Variants in TMEM132D observed in about 807,000 individuals in gnomAD.
TMEM132D encodes the protein mature OL transmembrane protein.
A neutral mutation model predicts 62.3 loss-of-function variants in TMEM132D; 21 were observed. The observed-to-expected ratio is 0.34, with a 90% CI of 0.24 to 0.49. The LOEUF (loss-of-function observed/expected upper bound fraction) is 0.49. Among genes scored for constraint, TMEM132D ranks in the 20% least tolerant of loss-of-function variants. The pLI is 0.99. For synonymous variants in TMEM132D, 621 were observed against 575.6 expected, an observed-to-expected ratio of 1.08 and a Z score of -1.13; for missense variants, 1,346 against 1,402.8, an observed-to-expected ratio of 0.96 and a Z score of 0.65.
intron 1 of TMEM132D, among the ~76,000 whole-genome samples, chr12:129,835,091 AC>A (rs1332655617): frequency 6.6e-6 from 1 of 152,192 alleles, no homozygotes; most frequent in Admixed American, 6.5e-5. Flanking sequence ...TTACAAAGAC[AC>A]GGGATATTTG....
chr12:129,734,002 A>C (rs975882150), intron 1 of TMEM132D, among the ~76,000 whole-genome samples: 1 of 152,312 alleles, frequency 6.6e-6, no homozygotes, highest in Non-Finnish European at 1.5e-5. Context: ...GAAATGGAGC[A>C]CTGACTCCTT....
intron 3 of TMEM132D, among the ~76,000 whole-genome samples, chr12:129,480,220 TGGAGCTGCAG>T (rs1489692471): frequency 6.6e-6 from 1 of 152,106 alleles, no homozygotes; most frequent in African/African-American, 2.4e-5. Context: ...AGAAGGTGCA[TGGAGCTGCAG>T]AGGGGTGCAG....
chr12:129,405,402 G>T (rs191675511), intron 3 of TMEM132D, among the ~76,000 whole-genome samples: 153 of 152,198 alleles, frequency 1.0e-3, no homozygotes, highest in African/African-American at 3.5e-3. Context: ...CTGGAGTTAG[G>T]GCATCAACAT....
intron 2 of TMEM132D, among the ~76,000 whole-genome samples, chr12:129,557,251 CAGT>C (rs1665061103): frequency 6.6e-6 from 1 of 152,072 alleles, no homozygotes; most frequent in Non-Finnish European, 1.5e-5. Flanking sequence ...TACTTCTCAG[CAGT>C]AAAAATATGC....
chr12:129,137,790 C>T (rs80110539), intron 5 of TMEM132D, among the ~76,000 whole-genome samples: 1,532 of 152,240 alleles, frequency 0.01, 29 homozygotes, highest in African/African-American at 0.035. Flanking sequence ...AACCAACCTG[C>T]TAAAGATGGT....
chr12:129,424,217 AT>A (rs1872412596), intron 3 of TMEM132D, among the ~76,000 whole-genome samples: 2 of 148,586 alleles, frequency 1.3e-5, no homozygotes, highest in Non-Finnish European at 1.5e-5. Context: ...AAAAAAAAAA[AT>A]CTATGACAAA....
Position 129,634,453 on chromosome 12 carries a change from GA to G in TMEM132D, c.968+65356del, listed in dbSNP as rs1238280105. Among the ~76,000 whole-genome samples the G allele has an allele frequency of 3.0e-5, 4 of 134,752 alleles. No homozygotes were observed. In the Admixed American group the frequency reaches 3.2e-4, roughly 11 times the overall value. The allele number at this position is 134,752 out of a possible 152,430, so 88.4% of individuals were successfully genotyped here. The stretch of plus-strand genomic sequence containing the variant: ...TGTGCCAATGTACTCAAGCCTATGT[GA>G]AAGAGTGAAACCTTGTCTCAAAAAA... On this transcript the variant is annotated intron_variant, in intron 2 of 8. Coordinates refer to ENST00000422113, the MANE Select transcript of TMEM132D (RefSeq NM_133448.3).
At chr12:129,217,953 C>T (rs1433658224) in intron 4 of TMEM132D, among the ~76,000 whole-genome samples, 1 of 152,134 alleles carries the variant, frequency 6.6e-6, no homozygotes, top group African/African-American at 2.4e-5. Context: ...GGTGGGGGCA[C>T]AATAACGCTC....
intron 1 of TMEM132D, among the ~76,000 whole-genome samples, chr12:129,756,823 T>C (rs1300940201): frequency 1.3e-5 from 2 of 152,220 alleles, no homozygotes; most frequent in Non-Finnish European, 2.9e-5. Flanking sequence ...AGCACAACTG[T>C]CCATGCCGCT....
intron 4 of TMEM132D, among the ~76,000 whole-genome samples, chr12:129,320,298 T>C (rs139659019): frequency 1.3e-5 from 2 of 152,276 alleles, no homozygotes; most frequent in South Asian, 2.1e-4. Flanking sequence ...TAAACCATCA[T>C]CTCTGAGGAT....
chr12:129,597,969 G>T (rs1002402619), intron 2 of TMEM132D, among the ~76,000 whole-genome samples: 4 of 152,064 alleles, frequency 2.6e-5, no homozygotes, highest in Admixed American at 6.6e-5. Context: ...AGAAGCATAA[G>T]AATTCAATCA....
intron 1 of TMEM132D, among the ~76,000 whole-genome samples, chr12:129,802,484 A>G (rs1295386779): frequency 9.5e-5 from 11 of 116,196 alleles, no homozygotes; most frequent in Non-Finnish European, 2.0e-4. Flanking sequence ...AGACAAGCAA[A>G]TGCTGAGAAA....
chr12:129,757,399 C>T (rs1371524859), intron 1 of TMEM132D, among the ~76,000 whole-genome samples: 3 of 152,080 alleles, frequency 2.0e-5, no homozygotes, highest in East Asian at 1.9e-4. Flanking sequence ...TTTCTGACTG[C>T]GTATCTGTGG....
intron 2 of TMEM132D, among the ~76,000 whole-genome samples, chr12:129,578,406 T>C (rs1459592819): frequency 2.9e-5 from 1 of 34,662 alleles, no homozygotes; most frequent in African/African-American, 9.2e-5. Flanking sequence ...AGTAATACAA[T>C]TATGTGTGTG....
chr12:129,873,214 G>A (rs775608047), intron 1 of TMEM132D, among the ~76,000 whole-genome samples: 8 of 152,080 alleles, frequency 5.3e-5, no homozygotes, highest in South Asian at 2.1e-4. Context: ...TATGCAGCAC[G>A]GACTATCTTC....
At chr12:129,491,046 T>C (rs917826597) in intron 3 of TMEM132D, among the ~76,000 whole-genome samples, 4 of 152,146 alleles carry the variant, frequency 2.6e-5, no homozygotes, top group Non-Finnish European at 4.4e-5. Flanking sequence ...GGCCAAAATA[T>C]GGGGTCCCAA....
chr12:129,523,800 A>G (rs1481298263), intron 3 of TMEM132D, among the ~76,000 whole-genome samples: 1 of 152,136 alleles, frequency 6.6e-6, no homozygotes, highest in African/African-American at 2.4e-5. Context: ...TTTCACAGAG[A>G]ATGGGGTTCA....
intron 3 of TMEM132D, among the ~76,000 whole-genome samples, chr12:129,466,062 A>G (rs968040872): frequency 3.3e-5 from 5 of 152,204 alleles, no homozygotes; most frequent in Non-Finnish European, 5.9e-5. Flanking sequence ...GAGACAATGC[A>G]AGTAAATTGC....
At chr12:129,177,167 AGAGT>A (rs1482253624) in intron 5 of TMEM132D, among the ~76,000 whole-genome samples, 1 of 152,258 alleles carries the variant, frequency 6.6e-6, no homozygotes, top group Non-Finnish European at 1.5e-5. Context: ...ATTACAAGTA[AGAGT>A]ATCTCATTCT....
Sources: allele counts gnomAD v4.1 joint callset (sites outside exome capture counted in the v4.1 genomes callset), GRCh38; gene constraint gnomAD v4.1.1; transcripts MANE v1.5; gene names NCBI Gene and HGNC (gene_info 2026-07-23, HGNC 2026-07-21).